The following PXDNL variants were observed in gnomAD, a reference collection of about 807,000 sequenced individuals.
PXDNL encodes probable oxidoreductase PXDNL.
PXDNL carries 145 observed loss-of-function variants against 150.8 expected under a neutral mutation model. The observed-to-expected ratio is 0.96, with a 90% CI of 0.84 to 1.10. The LOEUF (loss-of-function observed/expected upper bound fraction) is 1.10, where lower values mean the gene tolerates loss of function less well. Ranked by LOEUF, PXDNL falls within the 50% of genes least tolerant of loss-of-function variation. The pLI is 0.00. For missense variants in PXDNL, 2,087 were observed against 1,873.9 expected (o/e 1.11, Z -2.10); for synonymous variants, 757 against 725.7 (o/e 1.04, Z -0.69).
intron 1 of PXDNL, among the ~76,000 whole-genome samples, chr8:51,798,378 A>G (rs1341585007): frequency 6.6e-6 from 1 of 152,240 alleles, no homozygotes; most frequent in African/African-American, 2.4e-5. Flanking sequence ...AAAAGAAACT[A>G]TCATCAGAGT....
rs370932626 is a variant in PXDNL at position 51,372,011 on chromosome 8, G to A, written c.3763C>T (p.Arg1255Trp). ...CTGTCACCATTGTCACAAAGCACCC[G>A]GCTCAGGGACGCCTGCTTCAGCTGA... ...LTQLKQASLS[R>W]VLCDNGDSIQ... The change falls in exon 19 of 23, where the codon CGG (arginine) becomes TGG (tryptophan). Residue 1255 changes from arginine to tryptophan, a missense_variant. Physicochemically the swap from Arg to Trp is moderately radical, Grantham distance 101. Coordinates refer to ENST00000356297, the MANE Select transcript of PXDNL (RefSeq NM_144651.5). 21 of 1,612,688 alleles carry A rather than the reference G, an allele frequency of 1.3e-5. No individual in the cohort carries two copies. Among genetic ancestry groups the A allele is most frequent in the Admixed American group, 5.0e-5 (3 of 59,872 alleles).
chr8:51,791,171 C>A (rs1221832817), intron 1 of PXDNL, among the ~76,000 whole-genome samples: 1 of 152,144 alleles, frequency 6.6e-6, no homozygotes, highest in African/African-American at 2.4e-5. Context: ...GATCCAGGGT[C>A]CTAAATACTG....
intron 5 of PXDNL, among the ~76,000 whole-genome samples, chr8:51,497,194 C>A (rs1011701616): frequency 6.6e-6 from 1 of 152,164 alleles, no homozygotes; most frequent in Admixed American, 6.5e-5. Context: ...AAAGGATTCC[C>A]TATTTAATAA....
At chr8:51,668,660 A>T (rs1815439214) in intron 1 of PXDNL, among the ~76,000 whole-genome samples, 2 of 152,230 alleles carry the variant, frequency 1.3e-5, no homozygotes, top group African/African-American at 4.8e-5. Context: ...CATATCACAG[A>T]ATATTCTCCA....
chr8:51,684,092 G>A (rs550497869), intron 1 of PXDNL, among the ~76,000 whole-genome samples: 1 of 152,260 alleles, frequency 6.6e-6, no homozygotes, highest in South Asian at 2.1e-4. Context: ...CCCACCTAGA[G>A]GGCAGTAAAT....
intron 1 of PXDNL, among the ~76,000 whole-genome samples, chr8:51,790,993 C>G (rs1482496170): frequency 6.6e-6 from 1 of 151,850 alleles, no homozygotes; most frequent in African/African-American, 2.4e-5. Context: ...TACAATAATA[C>G]TAGTACTAAT....
intron 1 of PXDNL, among the ~76,000 whole-genome samples, chr8:51,658,979 C>T (rs570281962): frequency 1.1e-5 from 1 of 93,690 alleles, no homozygotes; most frequent in East Asian, 2.9e-4. Flanking sequence ...TGCATGTCTC[C>T]TTGTACACTT....
At chr8:51,641,923 T>A (rs1289549298) in intron 2 of PXDNL, among the ~76,000 whole-genome samples, 1 of 151,906 alleles carries the variant, frequency 6.6e-6, no homozygotes, top group Non-Finnish European at 1.5e-5. Flanking sequence ...TTATTGCAGC[T>A]CTATTCACAA....
chr8:51,752,989 C>T (rs74894087), intron 1 of PXDNL, among the ~76,000 whole-genome samples: 8,592 of 152,292 alleles, frequency 0.056, 273 homozygotes, highest in African/African-American at 0.09. Flanking sequence ...TGGGGAAAGG[C>T]TTCGTGGCGA....
intron 1 of PXDNL, among the ~76,000 whole-genome samples, chr8:51,688,730 T>C (rs1815927373): frequency 6.6e-6 from 1 of 152,166 alleles, no homozygotes; most frequent in Non-Finnish European, 1.5e-5. Context: ...AATCAAGCAC[T>C]AGCCAATCTG....
chr8:51,345,213 A>G (rs1490189514), intron 20 of PXDNL, among the ~76,000 whole-genome samples: 1 of 152,230 alleles, frequency 6.6e-6, no homozygotes, highest in East Asian at 1.9e-4. Flanking sequence ...AAAAGGAGCT[A>G]CTGGACATAC....
intron 1 of PXDNL, among the ~76,000 whole-genome samples, chr8:51,658,020 C>T (rs1815187919): frequency 6.6e-6 from 1 of 152,098 alleles, no homozygotes; most frequent in Non-Finnish European, 1.5e-5. Context: ...GTGAGGCATG[C>T]TCAGGGACTC....
At chr8:51,495,910 A>G (rs920580740) in intron 5 of PXDNL, among the ~76,000 whole-genome samples, 2 of 152,194 alleles carry the variant, frequency 1.3e-5, no homozygotes, top group African/African-American at 4.8e-5. Flanking sequence ...AAAAGAGGGA[A>G]TCCTCTCTAA....
intron 4 of PXDNL, among the ~76,000 whole-genome samples, chr8:51,545,605 A>AGGGC (rs1479476721): frequency 1.3e-5 from 2 of 152,172 alleles, no homozygotes; most frequent in South Asian, 4.1e-4. Flanking sequence ...CCATGGCAGA[A>AGGGC]AGGCATCCCA....
intron 17 of PXDNL, among the ~76,000 whole-genome samples, chr8:51,383,767 TTGAAA>T (rs1563385046): frequency 6.6e-6 from 1 of 152,210 alleles, no homozygotes; most frequent in Non-Finnish European, 1.5e-5. Flanking sequence ...TTTGCAGACC[TTGAAA>T]TGAACTATTT....
At position 51,802,986 on chromosome 8, in the gene PXDNL, G is replaced by T. The variant is rs1361878784; in HGVS notation, c.164+6195C>A. ...ATTTGTGAAAGATGTCTAAGCAAAGGAATACATTTACAAAATAATGTAGTA... is the reference window on the plus strand; with the variant it reads ...ATTTGTGAAAGATGTCTAAGCAAAGTAATACATTTACAAAATAATGTAGTA... On this transcript the variant is annotated intron_variant, in intron 1 of 22. Transcript: ENST00000356297. Among the ~76,000 whole-genome samples the T allele has an allele frequency of 2.6e-5, 4 of 152,156 alleles. No individual in the cohort carries two copies. The East Asian group carries it at 5.8e-4, about 22-fold the overall frequency.
chr8:51,467,370 G>T (rs1810226304), intron 8 of PXDNL, among the ~76,000 whole-genome samples: 1 of 152,084 alleles, frequency 6.6e-6, no homozygotes, highest in African/African-American at 2.4e-5. Flanking sequence ...AATATTGTAA[G>T]TCTACAGACC....
At chr8:51,361,586 T>C (rs1003021416) in intron 19 of PXDNL, among the ~76,000 whole-genome samples, 2 of 152,238 alleles carry the variant, frequency 1.3e-5, no homozygotes, top group African/African-American at 4.8e-5. Flanking sequence ...ATAGAAGTGG[T>C]AAAATCTTAC....
intron 19 of PXDNL, among the ~76,000 whole-genome samples, chr8:51,353,175 T>C (rs2130726131): frequency 6.7e-6 from 1 of 150,116 alleles, no homozygotes; most frequent in Non-Finnish European, 1.5e-5. Context: ...ATATATATTA[T>C]ACCTATATAA....
Sources: gnomAD v4.1 joint callset for allele counts (sites outside exome capture counted in the v4.1 genomes callset) on GRCh38, gnomAD v4.1.1 for gene constraint, MANE v1.5 for transcripts, NCBI Gene and HGNC (gene_info 2026-07-23, HGNC 2026-07-21) for gene names.